ACSM3: variants seen among roughly 807,000 people sequenced by gnomAD.
The protein encoded by ACSM3 is acyl-coenzyme A synthetase ACSM3, mitochondrial.
In ACSM3, 61 loss-of-function variants were observed where a neutral mutation model predicts 74.1. The ratio of observed to expected loss-of-function variants is 0.82; its 90% CI spans 0.67 to 1.02. The LOEUF is 1.02. Ranked by LOEUF, ACSM3 falls within the 50% of genes least tolerant of loss-of-function variation. The pLI, the probability that ACSM3 is intolerant of heterozygous loss-of-function variation, is 0.00. For missense variants in ACSM3, 660 were observed against 697.0 expected, an observed-to-expected ratio of 0.95 and a Z score of 0.60; for synonymous variants, 213 against 241.5, an observed-to-expected ratio of 0.88 and a Z score of 1.09.
Position 20,796,405 on chromosome 16 carries a change from C to T in ACSM3, c.1590C>T (p.Tyr530=). 6.2e-7 allele frequency: 1 copy of T among 1,613,630 alleles called. No individual in the cohort carries two copies. The highest frequency in any genetic ancestry group is 1.7e-4 in the Middle Eastern group (1 of 6,056). ...CTTTTGTCGTTCTAAATCCTGATTA[C>T]AAGTCACATGATCAAGAACAACTAA... ...VKAFVVLNPD[Y]KSHDQEQLIK... The change falls in exon 13 of 14, where the codon TAC becomes TAT. Residue 530 remains tyrosine (Y), a synonymous_variant. Transcript: ENST00000289416.
intron 1 of ACSM3, chr16:20,703,517 A>G (rs1282194026): frequency 6.6e-6 from 1 of 151,780 alleles, no homozygotes; most frequent in South Asian, 2.1e-4. Flanking sequence ...CTCCTTGAAG[A>G]TGTCCTTCGC....
intron 9 of ACSM3, among the ~76,000 whole-genome samples, chr16:20,789,139 A>AT (rs373236106): frequency 1.3e-5 from 2 of 152,180 alleles, no homozygotes; most frequent in Admixed American, 6.5e-5. Flanking sequence ...TGCTAATCTG[A>AT]TTTTTTTAAT....
intron 1 of ACSM3, among the ~76,000 whole-genome samples, chr16:20,746,452 A>C (rs976224036): frequency 6.6e-6 from 1 of 152,076 alleles, no homozygotes; most frequent in Admixed American, 6.5e-5. Flanking sequence ...TGTTCTATAG[A>C]CCTCCTCTGT....
At chr16:20,731,731 TC>T in intron 1 of ACSM3, 1 of 369,500 alleles carries the variant, frequency 2.7e-6, no homozygotes, top group Non-Finnish European at 4.8e-6. Flanking sequence ...CTTACAAATA[TC>T]CAAGAAAGTA....
chr16:20,691,749 CAATGTGTG>C (rs1002652734), intron 1 of ACSM3, among the ~76,000 whole-genome samples: 9 of 122,590 alleles, frequency 7.3e-5, no homozygotes, highest in African/African-American at 3.1e-4. Context: ...AATACCTCTC[CAATGTGTG>C]TGTGTGTGTG....
chr16:20,730,847 GTTTT>G (rs1276477718), intron 1 of ACSM3, among the ~76,000 whole-genome samples: 3 of 152,144 alleles, frequency 2.0e-5, no homozygotes, highest in South Asian at 2.1e-4. Context: ...TTTCCTGAGA[GTTTT>G]TTGTTTCATT....
chr16:20,761,040 G>T (rs1040821544), upstream of ACSM3, among the ~76,000 whole-genome samples: 3 of 152,108 alleles, frequency 2.0e-5, no homozygotes, highest in African/African-American at 7.2e-5. Context: ...TTACCTGAAA[G>T]CCCAGCCTCT....
intron 7 of ACSM3, chr16:20,783,152 A>T (rs991560625): frequency 1.3e-5 from 2 of 152,220 alleles, no homozygotes; most frequent in Non-Finnish European, 1.5e-5. Context: ...TCGCCTCATG[A>T]GAACAAAAGA....
intron 1 of ACSM3, among the ~76,000 whole-genome samples, chr16:20,717,987 G>C (rs903117369): frequency 2.1e-5 from 3 of 141,358 alleles, no homozygotes; most frequent in Admixed American, 2.1e-4. Context: ...AGAAGAAGAA[G>C]AAGAAGAAGA....
intron 1 of ACSM3, chr16:20,691,357 A>G: frequency 1.8e-6 from 1 of 544,046 alleles, no homozygotes; most frequent in South Asian, 3.0e-5. Context: ...CAGAATTTGG[A>G]AGGCACCCCT....
intron 4 of ACSM3, 156 bp from the exon 5 acceptor site, chr16:20,780,554 TAGAG>T (rs2080329456): frequency 2.7e-6 from 4 of 1,478,246 alleles, no homozygotes; most frequent in Non-Finnish European, 3.7e-6. Flanking sequence ...CCTAAAAGGA[TAGAG>T]AAAGTGATGG....
intron 1 of ACSM3, among the ~76,000 whole-genome samples, chr16:20,764,379 T>C (rs1437587179): frequency 1.3e-5 from 2 of 152,196 alleles, no homozygotes; most frequent in African/African-American, 4.8e-5. Context: ...CTATTTGATT[T>C]TTTGAAAAAC....
intron 2 of ACSM3, among the ~76,000 whole-genome samples, chr16:20,752,333 T>C (rs2079995300): frequency 6.6e-6 from 1 of 152,130 alleles, no homozygotes; most frequent in East Asian, 1.9e-4. Flanking sequence ...AGTGAGACTC[T>C]GTCTCTCAAA....
chr16:20,677,476 C>T (rs2020359118), intron 1 of ACSM3, among the ~76,000 whole-genome samples: 1 of 152,212 alleles, frequency 6.6e-6, no homozygotes. Context: ...AACAAACTAA[C>T]TTTAGAGACT....
intron 7 of ACSM3, 121 bp downstream of exon 7, chr16:20,781,908 C>G: frequency 1.4e-6 from 1 of 700,886 alleles, no homozygotes; most frequent in Non-Finnish European, 2.4e-6. Context: ...TTAGCAATCT[C>G]TCCTCTTCCT....
chr16:20,793,412 TG>T (rs745787781), intron 12 of ACSM3, among the ~76,000 whole-genome samples: 6 of 152,114 alleles, frequency 3.9e-5, no homozygotes, highest in Non-Finnish European at 7.4e-5. Context: ...GAGGTTACAG[TG>T]AGCCAAGATC....
At chr16:20,795,811 T>C (rs900535756) in intron 12 of ACSM3, among the ~76,000 whole-genome samples, 2 of 152,226 alleles carry the variant, frequency 1.3e-5, no homozygotes, top group African/African-American at 4.8e-5. Flanking sequence ...AAGGGGGCTA[T>C]GAGGGATGGC....
At chr16:20,791,133 C>T (rs2080587836) in intron 10 of ACSM3, among the ~76,000 whole-genome samples, 1 of 152,214 alleles carries the variant, frequency 6.6e-6, no homozygotes, top group African/African-American at 2.4e-5. Flanking sequence ...ATATTTTCAT[C>T]TCTAATCACA....
At chr16:20,698,109 G>C (rs2079699938) in intron 1 of ACSM3, among the ~76,000 whole-genome samples, 1 of 151,362 alleles carries the variant, frequency 6.6e-6, no homozygotes. Context: ...CAGGAGAATG[G>C]CGTGAACACG....
Sources: gnomAD v4.1 joint callset for allele counts (sites outside exome capture counted in the v4.1 genomes callset) on GRCh38, gnomAD v4.1.1 for gene constraint, MANE v1.5 for transcripts, NCBI Gene and HGNC (gene_info 2026-07-23, HGNC 2026-07-21) for gene names.